Variants in SYNGR1 observed in about 807,000 individuals in gnomAD.
SYNGR1 encodes synaptogyrin-1.
Under a neutral mutation model 26.1 loss-of-function variants are expected in SYNGR1, and 14 were observed. The observed-to-expected ratio is 0.54, with a 90% CI of 0.35 to 0.84. The LOEUF is 0.84. SYNGR1 is among the 40% of genes least tolerant of loss of function. The pLI is 0.01. For missense variants in SYNGR1, 319 were observed against 332.9 expected, an observed-to-expected ratio of 0.96 and a Z score of 0.33; for synonymous variants, 141 against 150.1, an observed-to-expected ratio of 0.94 and a Z score of 0.44.
intron 1 of SYNGR1, among the ~76,000 whole-genome samples, chr22:39,353,684 G>T (rs570532663): frequency 1.3e-5 from 2 of 152,164 alleles, no homozygotes; most frequent in Admixed American, 6.5e-5. Context: ...GGTGACTGCC[G>T]CCTGTCAGTG....
intron 1 of SYNGR1, among the ~76,000 whole-genome samples, chr22:39,357,767 G>A (rs1484540670): frequency 1.3e-5 from 2 of 152,104 alleles, no homozygotes; most frequent in Non-Finnish European, 2.9e-5. Context: ...AGGGTGTACT[G>A]GGTCCCTCAG....
chr22:39,381,927 G>T lies in SYNGR1; in HGVS notation c.*13G>T. 1 of 1,583,714 alleles carries T rather than the reference G, an allele frequency of 6.3e-7. No individual in the cohort carries two copies. The highest frequency in any genetic ancestry group is 8.6e-7 in the Non-Finnish European group (1 of 1,165,768). ...GCAGGGCTACTGAGCCACAGTGACCGCCTGCCCCCGCCCCTCCCCATCTGT... is the reference window on the plus strand; with the variant it reads ...GCAGGGCTACTGAGCCACAGTGACCTCCTGCCCCCGCCCCTCCCCATCTGT... On this transcript the variant is annotated 3_prime_UTR_variant, in exon 4 of 4. Transcript: ENST00000328933.
intron 1 of SYNGR1, among the ~76,000 whole-genome samples, chr22:39,356,130 G>A (rs531087985): frequency 6.6e-6 from 1 of 152,274 alleles, no homozygotes; most frequent in Non-Finnish European, 1.5e-5. Flanking sequence ...GCAGTGGCAC[G>A]ATCTCAGCTC....
intron 2 of SYNGR1, chr22:39,374,782 G>C: frequency 1.7e-6 from 1 of 593,992 alleles, no homozygotes; most frequent in Non-Finnish European, 3.0e-6. Flanking sequence ...AGCGTGGATG[G>C]GATTCTAGTT....
At chr22:39,354,275 T>C (rs75543484) in intron 1 of SYNGR1, among the ~76,000 whole-genome samples, 291 of 152,402 alleles carry the variant, frequency 1.9e-3, no homozygotes, top group Non-Finnish European at 3.2e-3. Context: ...CATGGTTCTG[T>C]AAGTGGGGTG....
At chr22:39,371,669 A>G (rs938785100) in intron 1 of SYNGR1, among the ~76,000 whole-genome samples, 4 of 151,924 alleles carry the variant, frequency 2.6e-5, no homozygotes, top group East Asian at 1.9e-4. Context: ...GCAAACGCCT[A>G]TAGTCCCGGC....
In SYNGR1 at chr22:39,377,591, C is replaced by G. The variant is rs201704402; in HGVS notation, c.483+1394C>G. On this transcript the variant is annotated intron_variant, in intron 3 of 3. Coordinates refer to ENST00000328933, the MANE Select transcript of SYNGR1 (RefSeq NM_004711.5). ...CCACTGGCCTCACCCCTACTCTCTC[C>G]TGGCAGAGCCTGACCGCAGCCCTGG... 4.8e-5 allele frequency: 78 copies of G among 1,613,354 alleles called. No homozygotes were observed. The highest frequency in any genetic ancestry group is 2.2e-5 in the South Asian group (2 of 90,888).
chr22:39,366,802 G>A (rs1254464585), intron 1 of SYNGR1, among the ~76,000 whole-genome samples: 3 of 152,078 alleles, frequency 2.0e-5, no homozygotes, highest in African/African-American at 4.8e-5. Flanking sequence ...CATAGCAGCC[G>A]GTCTGATTCT....
In SYNGR1 at chr22:39,382,474, T is replaced by C. The variant is rs1384373855; in HGVS notation, c.*560T>C. The C allele has an allele frequency of 6.1e-6, 1 of 163,836 alleles. No individual in the cohort carries two copies. The highest frequency in any genetic ancestry group is 2.4e-5 in the African/African-American group (1 of 41,818). 10.1% of individuals were successfully genotyped at this position (163,836 alleles called of 1,614,324 possible). ...TTTTATGGTTGAGGAAACTGAGGTC[T>C]AGAGAGGTCAAGATTACTTGCCCAG... On this transcript the variant is annotated 3_prime_UTR_variant, in exon 4 of 4. Coordinates refer to ENST00000328933, the MANE Select transcript of SYNGR1 (RefSeq NM_004711.5).
In SYNGR1 at chr22:39,381,774, C is replaced by A; in HGVS notation, c.562C>A (p.Pro188Thr). 1 of 1,613,356 alleles carries A rather than the reference C, an allele frequency of 6.2e-7. No individual in the cohort carries two copies. Among genetic ancestry groups the A allele is most frequent in the Non-Finnish European group, 8.5e-7 (1 of 1,179,982 alleles). Reference sequence around the variant, plus strand: ...CCTCTTCTCCCAGGACTACATGGACCCCAGCCAGGACTCCAGCATGCCTTA... The same window carrying A: ...CCTCTTCTCCCAGGACTACATGGACACCAGCCAGGACTCCAGCATGCCTTA... ...SALFSQDYMD[P>T]SQDSSMPYAP... Residue 188 changes from proline to threonine, a missense_variant, in exon 4 of 4, where the codon CCC becomes ACC. Coordinates refer to ENST00000328933, the MANE Select transcript of SYNGR1 (RefSeq NM_004711.5).
Position 39,350,187 on chromosome 22 carries a change from C to T in SYNGR1, c.99+78C>T, listed in dbSNP as rs1296430065. The stretch of plus-strand genomic sequence containing the variant: ...GCAAAGGCGGCGCGCCCGGACCGAC[C>T]CCGACCCCGACCCCAACGGGCCCCC... On this transcript the variant is annotated intron_variant, in intron 1 of 3. Transcript: ENST00000328933. The surrounding 1 kb of genome is among the most constrained non-coding windows in gnomAD (Gnocchi z 4.3). 2 of 247,922 alleles carry T rather than the reference C, an allele frequency of 8.1e-6. No individual in the cohort carries two copies. Among genetic ancestry groups the T allele is most frequent in the Middle Eastern group, 9.5e-4 (1 of 1,054 alleles). The allele number at this position is 247,922 out of a possible 1,614,324, so 15.4% of individuals were successfully genotyped here. A position where few individuals can be genotyped will look rare whatever the true frequency, so the allele number is the denominator to read the frequency against.
intron 1 of SYNGR1, among the ~76,000 whole-genome samples, chr22:39,361,705 G>T (rs1411658458): frequency 6.6e-6 from 1 of 151,764 alleles, no homozygotes; most frequent in Admixed American, 6.6e-5. Flanking sequence ...GAACCTCAGT[G>T]GCCGCATCTA....
chr22:39,360,031 C>T (rs898303402), intron 1 of SYNGR1, among the ~76,000 whole-genome samples: 7 of 152,222 alleles, frequency 4.6e-5, no homozygotes, highest in Non-Finnish European at 5.9e-5. Flanking sequence ...CCAGTGGCCA[C>T]GTGTTGCAGC....
chr22:39,351,764 C>T (rs921882395), intron 1 of SYNGR1, among the ~76,000 whole-genome samples: 1 of 152,220 alleles, frequency 6.6e-6, no homozygotes, highest in Admixed American at 6.5e-5. Flanking sequence ...TCAGAAGCAG[C>T]CCTTGTTCTC....
intron 1 of SYNGR1, among the ~76,000 whole-genome samples, chr22:39,367,706 C>G (rs1200179483): frequency 6.6e-6 from 1 of 151,946 alleles, no homozygotes. Context: ...GCCTGTAATC[C>G]CAGCTACTTG....
intron 1 of SYNGR1, among the ~76,000 whole-genome samples, chr22:39,357,783 C>T (rs1924233877): frequency 6.6e-6 from 1 of 152,234 alleles, no homozygotes; most frequent in Admixed American, 6.5e-5. Flanking sequence ...CTCAGCAGTG[C>T]AAGCCCACCG....
chr22:39,384,833 C>A lies in SYNGR1; in HGVS notation c.*2919C>A. On this transcript the variant is annotated 3_prime_UTR_variant, in exon 4 of 4. Transcript: ENST00000328933. ...CAAGGACGCTTAGAGTCGGCAGAGT[C>A]TGGGGTAGGGAGACAGCGACTTGTC... is the stretch of plus-strand genomic sequence containing the variant. The A allele has an allele frequency of 2.5e-6, 1 of 399,014 alleles. No individual in the cohort carries two copies. The highest frequency in any genetic ancestry group is 1.3e-4 in the South Asian group (1 of 7,856). The allele number at this position is 399,014 out of a possible 1,614,324, so 24.7% of individuals were successfully genotyped here. A position where few individuals can be genotyped will look rare whatever the true frequency, so the allele number is the denominator to read the frequency against.
chr22:39,377,259 A>G (rs955456282), intron 3 of SYNGR1: 44 of 985,254 alleles, frequency 4.5e-5, no homozygotes, highest in African/African-American at 5.2e-5. Context: ...CATCTCCCCA[A>G]CAATATTAGA....
intron 3 of SYNGR1, chr22:39,377,363 G>T (rs1004348002): frequency 2.2e-5 from 22 of 985,340 alleles, no homozygotes; most frequent in Non-Finnish European, 2.7e-5. Flanking sequence ...TGGGTAGGAA[G>T]AACCAGGTGA....
Sources: gnomAD v4.1 joint callset for allele counts (sites outside exome capture counted in the v4.1 genomes callset) on GRCh38, gnomAD v4.1.1 for gene constraint, Gnocchi (gnomAD v3.1) non-coding constraint, MANE v1.5 for transcripts, NCBI Gene and HGNC (gene_info 2026-07-23, HGNC 2026-07-21) for gene names.